GATAD2B: variants seen among roughly 807,000 people sequenced by gnomAD.
GATAD2B encodes the protein transcriptional repressor p66-beta.
GATAD2B carries 8 observed loss-of-function variants against 64.3 expected under a neutral mutation model. That is an observed-to-expected ratio of 0.12 (90% CI 0.07 to 0.22). The LOEUF (loss-of-function observed/expected upper bound fraction) is 0.22. GATAD2B is among the 10% of genes least tolerant of loss of function. GATAD2B has a pLI of 1.00. For synonymous variants in GATAD2B, 281 were observed against 271.3 expected (o/e 1.04, Z -0.35); for missense variants, 453 against 752.0 (o/e 0.60, Z 4.65).
intron 10 of GATAD2B, among the ~76,000 whole-genome samples, chr1:153,811,356 A>G (rs1377772668): frequency 6.6e-6 from 1 of 152,204 alleles, no homozygotes; most frequent in Non-Finnish European, 1.5e-5. Context: ...AGACAGAGAG[A>G]TAGAATCATT....
intron 1 of GATAD2B, among the ~76,000 whole-genome samples, chr1:153,878,944 A>AT (rs1378845550): frequency 5.8e-4 from 81 of 139,488 alleles, no homozygotes; most frequent in South Asian, 1.8e-3. Context: ...TGCCTGGCTA[A>AT]TTTTTTTTTT....
intron 1 of GATAD2B, among the ~76,000 whole-genome samples, chr1:153,868,014 TA>T (rs1676537310): frequency 6.6e-6 from 1 of 151,780 alleles, no homozygotes; most frequent in South Asian, 2.1e-4. Flanking sequence ...GCCTGGCCAA[TA>T]TGGTGAAACC....
At chr1:153,861,718 G>A (rs960891060) in intron 1 of GATAD2B, among the ~76,000 whole-genome samples, 2 of 144,710 alleles carry the variant, frequency 1.4e-5, no homozygotes, top group African/African-American at 2.6e-5. Flanking sequence ...GGAGGCAGAG[G>A]TTTCAGTGAG....
chr1:153,886,783 T>A (rs1677199623), intron 1 of GATAD2B, among the ~76,000 whole-genome samples: 1 of 151,800 alleles, frequency 6.6e-6, no homozygotes, highest in African/African-American at 2.4e-5. Flanking sequence ...ATGGTCTCAA[T>A]CTTCTGACCT....
At chr1:153,837,815 CA>C (rs536720137) in intron 1 of GATAD2B, among the ~76,000 whole-genome samples, 87 of 151,776 alleles carry the variant, frequency 5.7e-4, no homozygotes, top group African/African-American at 1.8e-3. Flanking sequence ...TATTCCTCTG[CA>C]AAAAAAAGAA....
rs186149614 is a variant in GATAD2B, at chr1:153,836,733, C to A, written c.-1-8385G>T. 7.2e-5 allele frequency among the ~76,000 whole-genome samples: 11 copies of A among 152,190 alleles called. No individual in the cohort carries two copies. The South Asian group carries it at 2.3e-3, about 32-fold the overall frequency. On this transcript the variant is annotated intron_variant, in intron 1 of 10. Transcript: ENST00000368655. Reference sequence around the variant, plus strand: ...ATTTAAGTTGATATACTACAGTATTCTAAGTTTTGAGATATATTCACGTGC... The same window carrying A: ...ATTTAAGTTGATATACTACAGTATTATAAGTTTTGAGATATATTCACGTGC...
At position 153,861,792 on chromosome 1, in the gene GATAD2B, A is replaced by AT. The variant is rs1217764168; in HGVS notation, c.-1-33445_-1-33444insA. Among the ~76,000 whole-genome samples the AT allele has an allele frequency of 8.9e-4, 82 of 92,078 alleles. 2 individuals are homozygous for AT. Among genetic ancestry groups the AT allele is most frequent in the South Asian group, 3.2e-3 (9 of 2,780 alleles). 60.4% of individuals were successfully genotyped at this position (92,078 alleles called of 152,430 possible). ...GCGAGACTCCATTTCAAAAAAAAAA[A>AT]AAAATATATATATATATACACATAT... On this transcript the variant is annotated intron_variant, in intron 1 of 10. Coordinates refer to ENST00000368655, the MANE Select transcript of GATAD2B (RefSeq NM_020699.4).
At chr1:153,885,433 A>G (rs1210107441) in intron 1 of GATAD2B, among the ~76,000 whole-genome samples, 1 of 152,108 alleles carries the variant, frequency 6.6e-6, no homozygotes, top group Non-Finnish European at 1.5e-5. Flanking sequence ...TTAAATTTTA[A>G]AAAAGGGGCT....
chr1:153,843,814 C>CA (rs71584146), intron 1 of GATAD2B, among the ~76,000 whole-genome samples: 53,974 of 120,174 alleles, frequency 0.45, 12,080 homozygotes, highest in Non-Finnish European at 0.51. Context: ...CCACCACCAC[C>CA]AAAAAAAAAA....
At chr1:153,876,227 CAAAAAAAAAAAAAAAAAAAAAAAAA>C (rs71093296) in intron 1 of GATAD2B, among the ~76,000 whole-genome samples, 4 of 48,430 alleles carry the variant, frequency 8.3e-5, no homozygotes, top group Non-Finnish European at 1.0e-4. Context: ...GACTTCGTCT[CAAAAAAAAAAAAAAAAAAAAAAAAA>C]AAAAAAAAGA....
intron 2 of GATAD2B, among the ~76,000 whole-genome samples, chr1:153,823,559 A>AG (rs1265153289): frequency 6.6e-6 from 1 of 152,156 alleles, no homozygotes; most frequent in Non-Finnish European, 1.5e-5. Flanking sequence ...TATGTTGCCC[A>AG]GACAGAGCTC....
At chr1:153,838,161 C>G (rs1675339927) in intron 1 of GATAD2B, among the ~76,000 whole-genome samples, 1 of 152,184 alleles carries the variant, frequency 6.6e-6, no homozygotes, top group South Asian at 2.1e-4. Flanking sequence ...ATCTATTACA[C>G]AGTACAACAC....
At chr1:153,851,620 T>TA (rs1675900506) in intron 1 of GATAD2B, among the ~76,000 whole-genome samples, 1 of 152,122 alleles carries the variant, frequency 6.6e-6, no homozygotes, top group Admixed American at 6.6e-5. Context: ...ATTTTTTTTT[T>TA]AATCTTACAG....
chr1:153,814,392 G>T (rs1448300497), intron 7 of GATAD2B, among the ~76,000 whole-genome samples: 1 of 152,174 alleles, frequency 6.6e-6, no homozygotes, highest in Non-Finnish European at 1.5e-5. Context: ...AGTTATCTAT[G>T]TAAGTGTGTG....
At chr1:153,859,981 G>A (rs966880493) in intron 1 of GATAD2B, among the ~76,000 whole-genome samples, 63 of 129,226 alleles carry the variant, frequency 4.9e-4, no homozygotes, top group African/African-American at 1.7e-3. Context: ...GCACTGGCGC[G>A]ATCTCAGCTC....
chr1:153,817,637 A>G, intron 5 of GATAD2B, 95 bp from the exon 6 acceptor site: 1 of 774,766 alleles, frequency 1.3e-6, no homozygotes, highest in Non-Finnish European at 2.0e-6. Context: ...CCTATAATAC[A>G]TAGCTAAGTA....
rs144726807 is a variant in GATAD2B, at chr1:153,835,380, T to C, written c.-1-7032A>G. ...CCGCATGCTATATGAAAATCTTTCA[T>C]GAAAGGAGAGTCAATCCATGTGGCA... On this transcript the variant is annotated intron_variant, in intron 1 of 10. Transcript: ENST00000368655. Among the ~76,000 whole-genome samples the C allele has an allele frequency of 3.9e-3, 591 of 152,148 alleles. 5 individuals carry two copies. The highest frequency in any genetic ancestry group is 0.012 in the African/African-American group (514 of 41,500).
chr1:153,884,165 GCA>G (rs1344155292), intron 1 of GATAD2B, among the ~76,000 whole-genome samples: 1 of 152,160 alleles, frequency 6.6e-6, no homozygotes, highest in Non-Finnish European at 1.5e-5. Context: ...GGCGTTGCAG[GCA>G]CAGTGGCTCA....
At chr1:153,847,384 A>C (rs1675725193) in intron 1 of GATAD2B, among the ~76,000 whole-genome samples, 1 of 152,156 alleles carries the variant, frequency 6.6e-6, no homozygotes, top group Non-Finnish European at 1.5e-5. Context: ...TAGATAAGTA[A>C]AAAAGACCAC....
Sources: gnomAD v4.1 joint callset for allele counts (sites outside exome capture counted in the v4.1 genomes callset) on GRCh38, gnomAD v4.1.1 for gene constraint, MANE v1.5 for transcripts, NCBI Gene and HGNC (gene_info 2026-07-23, HGNC 2026-07-21) for gene names.